The following NDUFS7 variants were observed in gnomAD, a reference collection of about 807,000 sequenced individuals.
The protein encoded by NDUFS7 is NADH:ubiquinone oxidoreductase core subunit S7, also known as NADH dehydrogenase [ubiquinone] iron-sulfur protein 7, mitochondrial.
In NDUFS7, 11 loss-of-function variants were observed where a neutral mutation model predicts 31.1. The ratio of observed to expected loss-of-function variants is 0.35; its 90% CI spans 0.22 to 0.59. The LOEUF is 0.59. Among genes scored for constraint, NDUFS7 ranks in the 20% least tolerant of loss-of-function variants. The probability of loss-of-function intolerance (pLI) is 0.79; values close to 1 mark genes in which losing one functional copy is unlikely to be tolerated. For missense variants in NDUFS7, 263 were observed against 324.2 expected (o/e 0.81, Z 1.45); for synonymous variants, 136 against 127.9 (o/e 1.06, Z -0.43).
At chr19:1,385,052 G>C (rs1457262284) in intron 1 of NDUFS7, among the ~76,000 whole-genome samples, 1 of 152,162 alleles carries the variant, frequency 6.6e-6, no homozygotes, top group Non-Finnish European at 1.5e-5. Flanking sequence ...CTGAGTTCAA[G>C]CAATCCTCCC....
chr19:1,389,033 C>T (rs2144614305), intron 4 of NDUFS7, 95 bp downstream of exon 4: 1 of 988,228 alleles, frequency 1.0e-6, no homozygotes, highest in Admixed American at 2.0e-5. Context: ...CAGACACGTA[C>T]ACACACAACA....
chr19:1,389,586 A>T (rs1483024790), intron 4 of NDUFS7: 1 of 446,890 alleles, frequency 2.2e-6, no homozygotes, highest in Non-Finnish European at 4.6e-6. Context: ...AGGTGAAAGC[A>T]GTGTTTTAAG....
intron 6 of NDUFS7, among the ~76,000 whole-genome samples, chr19:1,391,446 T>G (rs2082556967): frequency 6.6e-6 from 1 of 151,890 alleles, no homozygotes; most frequent in African/African-American, 2.4e-5. Context: ...TGTAGATAGT[T>G]TTATAATCTC....
At chr19:1,389,031 TACAC>T (rs934714296) in intron 4 of NDUFS7, 93 bp downstream of exon 4, 15 of 1,039,694 alleles carry the variant, frequency 1.4e-5, no homozygotes, top group Non-Finnish European at 1.9e-5. Flanking sequence ...TGCAGACACG[TACAC>T]ACACAACACA....
At chr19:1,391,204 C>A (rs372960455) in intron 6 of NDUFS7, 39 bp downstream of exon 6, 19 of 1,603,342 alleles carry the variant, frequency 1.2e-5, no homozygotes, top group Non-Finnish European at 1.4e-5. Context: ...ACAGACGTAG[C>A]GTGAGTGCTG....
chr19:1,387,917 G>GC (rs2082519505), intron 2 of NDUFS7, 70 bp downstream of exon 2: 1 of 377,290 alleles, frequency 2.7e-6, no homozygotes, highest in Admixed American at 2.9e-5. Context: ...GGGGCGGGGG[G>GC]GGTGGGGGGT....
At chr19:1,394,897 G>A (rs941656597) in intron 7 of NDUFS7, 21 of 1,116,972 alleles carry the variant, frequency 1.9e-5, no homozygotes, top group Non-Finnish European at 2.3e-5. Flanking sequence ...GGGACTGGGG[G>A]ATCCCCAGCA....
chr19:1,390,761 G>A, intron 4 of NDUFS7, 110 bp from the exon 5 acceptor site: 2 of 1,335,772 alleles, frequency 1.5e-6, no homozygotes, highest in Non-Finnish European at 1.0e-6. Context: ...ACCTCTGCCG[G>A]CTGCCGCCCC....
At chr19:1,391,862 A>G (rs187231685) in intron 6 of NDUFS7, 1 of 149,134 alleles carries the variant, frequency 6.7e-6, no homozygotes, top group East Asian at 2.0e-4. Context: ...TTATTTATTT[A>G]CTTAAAGATG....
At chr19:1,388,802 C>G in intron 3 of NDUFS7, 31 bp from the exon 4 acceptor site, 1 of 1,562,272 alleles carries the variant, frequency 6.4e-7, no homozygotes, top group Non-Finnish European at 8.7e-7. Context: ...GCGTGGCTGA[C>G]GCCTCCTGTG....
chr19:1,389,226 C>T lies in NDUFS7; in HGVS notation c.228+288C>T, dbSNP rs766705321. On this transcript the variant is annotated intron_variant, in intron 4 of 7. Coordinates refer to ENST00000233627, the MANE Select transcript of NDUFS7 (RefSeq NM_024407.5). ...ACACGCTTGCACACATACACACATG[C>T]ACACTTGCACTCATGCACACTCATG... 9.2e-5 allele frequency: 62 copies of T among 672,592 alleles called. No homozygotes were observed. The African/African-American group carries it at 9.6e-4, about 10-fold the overall frequency. The allele number at this position is 672,592 out of a possible 1,614,324, so 41.7% of individuals were successfully genotyped here.
intron 4 of NDUFS7, 89 bp from the exon 5 acceptor site, chr19:1,390,782 T>TC (rs2082549645): frequency 1.4e-6 from 2 of 1,454,254 alleles, no homozygotes; most frequent in East Asian, 4.8e-5. Flanking sequence ...GGGACATGAG[T>TC]CGGGGGTTCT....
At chr19:1,387,890 A>G in intron 2 of NDUFS7, 43 bp downstream of exon 2, 1 of 927,018 alleles carries the variant, frequency 1.1e-6, no homozygotes, top group Non-Finnish European at 1.5e-6. Context: ...AGGGGCCTTC[A>G]GCAGCGACAG....
intron 7 of NDUFS7, chr19:1,394,854 T>C: frequency 8.7e-7 from 1 of 1,150,494 alleles, no homozygotes; most frequent in Non-Finnish European, 1.1e-6. Flanking sequence ...GTCCTCTTGC[T>C]CAAGCCCTTT....
In NDUFS7 at chr19:1,387,906, C is replaced by A. The variant is rs1478739354; in HGVS notation, c.53+59C>A. 7 of 150,858 alleles carry A rather than the reference C, an allele frequency of 4.6e-5. No homozygotes were observed. The African/African-American group carries it at 2.0e-3, about 43-fold the overall frequency. 9.3% of individuals were successfully genotyped at this position (150,858 alleles called of 1,614,324 possible). ...GGGGCCTTCAGCAGCGACAGACGAA[C>A]GGGGCGGGGGGGGTGGGGGGTGGGG... On this transcript the variant is annotated intron_variant, in intron 2 of 7. Coordinates refer to ENST00000233627, the MANE Select transcript of NDUFS7 (RefSeq NM_024407.5).
chr19:1,386,225 G>C (rs1269887745), intron 1 of NDUFS7, among the ~76,000 whole-genome samples: 1 of 152,128 alleles, frequency 6.6e-6, no homozygotes, highest in Non-Finnish European at 1.5e-5. Flanking sequence ...CCTCTCCATC[G>C]GGCCTCACCT....
chr19:1,386,417 C>T (rs2082507590), intron 1 of NDUFS7: 4 of 152,246 alleles, frequency 2.6e-5, no homozygotes, highest in Admixed American at 2.0e-4. Flanking sequence ...ATGTTTGTGT[C>T]CTGATCGCCT....
rs3065757 is a variant in NDUFS7, at chr19:1,395,488, G to GCGCCGCCGC, written c.*12_*20dup. The GCGCCGCCGC allele has an allele frequency of 8.3e-6, 13 of 1,575,306 alleles. No individual in the cohort carries two copies. Among genetic ancestry groups the GCGCCGCCGC allele is most frequent in the African/African-American group, 4.1e-5 (3 of 73,976 alleles). The stretch of plus-strand genomic sequence containing the variant: ...GGCTGCAGATCTGGTACCGCAGGTA[G>GCGCCGCCGC]CGCCGCCGCCGCCGCCGCCGGAGCC... On this transcript the variant is annotated 3_prime_UTR_variant, in exon 8 of 8. Coordinates refer to ENST00000233627, the MANE Select transcript of NDUFS7 (RefSeq NM_024407.5).
intron 1 of NDUFS7, among the ~76,000 whole-genome samples, chr19:1,386,174 G>A (rs1259147760): frequency 6.6e-6 from 1 of 152,218 alleles, no homozygotes; most frequent in Non-Finnish European, 1.5e-5. Flanking sequence ...TGCATTCAGG[G>A]GCATCAAACC....
Sources: allele counts gnomAD v4.1 joint callset (sites outside exome capture counted in the v4.1 genomes callset), GRCh38; gene constraint gnomAD v4.1.1; transcripts MANE v1.5; gene names NCBI Gene and HGNC (gene_info 2026-07-23, HGNC 2026-07-21).